SLCO4C1: variants seen among roughly 807,000 people sequenced by gnomAD.
The protein encoded by SLCO4C1 is solute carrier organic anion transporter family member 4C1, also known as organic anion transporter M1.
In SLCO4C1, 58 loss-of-function variants were observed where a neutral mutation model predicts 72.1. The ratio of observed to expected loss-of-function variants is 0.80; its 90% CI spans 0.65 to 1.00. The LOEUF is 1.00. Ranked by LOEUF, SLCO4C1 falls within the 50% of genes least tolerant of loss-of-function variation. The pLI, the probability that SLCO4C1 is intolerant of heterozygous loss-of-function variation, is 0.00. For synonymous variants in SLCO4C1, 297 were observed against 312.5 expected, an observed-to-expected ratio of 0.95 and a Z score of 0.52; for missense variants, 898 against 857.9, an observed-to-expected ratio of 1.05 and a Z score of -0.58.
intron 1 of SLCO4C1, 43 bp from the exon 2 acceptor site, chr5:102,291,649 A>G (rs757017257): frequency 6.7e-7 from 1 of 1,501,644 alleles, no homozygotes; most frequent in South Asian, 1.2e-5. Flanking sequence ...ATATTTTACC[A>G]TACGATTAAG....
At position 102,293,151 on chromosome 5, in the gene SLCO4C1, A is replaced by G. The variant is rs567683599; in HGVS notation, c.356-1545T>C. Among the ~76,000 whole-genome samples the G allele has an allele frequency of 2.4e-4, 37 of 152,272 alleles. 2 individuals carry two copies. Among genetic ancestry groups the G allele is most frequent in the African/African-American group, 8.7e-4 (36 of 41,572 alleles). The stretch of plus-strand genomic sequence containing the variant: ...ACTTTTATACCCATTTCATAAGACT[A>G]TAAGCCAATTTACAATTCTTAGGAT... On this transcript the variant is annotated intron_variant, in intron 1 of 12. Transcript: ENST00000310954.
chr5:102,276,391 G>A (rs1749246968), intron 2 of SLCO4C1, among the ~76,000 whole-genome samples: 1 of 152,092 alleles, frequency 6.6e-6, no homozygotes, highest in East Asian at 1.9e-4. Flanking sequence ...CCCCAGCGGT[G>A]GTCTGCATCG....
At chr5:102,246,877 C>T (rs568133217) in intron 10 of SLCO4C1, among the ~76,000 whole-genome samples, 11 of 152,194 alleles carry the variant, frequency 7.2e-5, no homozygotes, top group Middle Eastern at 3.4e-3. Context: ...GAAGATTTAA[C>T]GTCACAGTGC....
intron 8 of SLCO4C1, among the ~76,000 whole-genome samples, chr5:102,252,664 AAGTATAAGAC>A (rs1274337783): frequency 2.6e-5 from 4 of 152,166 alleles, no homozygotes; most frequent in African/African-American, 9.7e-5. Context: ...AGATCATACA[AAGTATAAGAC>A]AGCATGATGC....
At chr5:102,252,819 T>C (rs1029437074) in intron 8 of SLCO4C1, among the ~76,000 whole-genome samples, 1 of 152,144 alleles carries the variant, frequency 6.6e-6, no homozygotes, top group Non-Finnish European at 1.5e-5. Context: ...GGCAGATGCT[T>C]GTGAAGTTTA....
chr5:102,255,933 C>T (rs559088470), intron 8 of SLCO4C1, among the ~76,000 whole-genome samples: 3 of 151,626 alleles, frequency 2.0e-5, no homozygotes, highest in African/African-American at 7.3e-5. Flanking sequence ...TGGCCGGGCG[C>T]GGTGGCTCAC....
intron 9 of SLCO4C1, among the ~76,000 whole-genome samples, chr5:102,247,963 C>T (rs1303489679): frequency 7.3e-6 from 1 of 136,564 alleles, no homozygotes; most frequent in Non-Finnish European, 1.5e-5. Flanking sequence ...CATTCTAAGA[C>T]CACTGGTACC....
chr5:102,241,747 C>A (rs145983353), intron 10 of SLCO4C1, among the ~76,000 whole-genome samples: 1 of 152,094 alleles, frequency 6.6e-6, no homozygotes, highest in African/African-American at 2.4e-5. Context: ...AAAAAACAAT[C>A]CTAAAATTCA....
intron 8 of SLCO4C1, among the ~76,000 whole-genome samples, chr5:102,254,434 C>G (rs996593839): frequency 6.6e-6 from 1 of 152,124 alleles, no homozygotes; most frequent in Non-Finnish European, 1.5e-5. Flanking sequence ...TTATGGTGAT[C>G]AGTGATTTTT....
chr5:102,252,378 G>C (rs1748755682), intron 8 of SLCO4C1, among the ~76,000 whole-genome samples: 1 of 152,096 alleles, frequency 6.6e-6, no homozygotes, highest in South Asian at 2.1e-4. Flanking sequence ...GAGTGATCAA[G>C]ATAGTAATCT....
At chr5:102,287,527 T>A (rs1461059354) in intron 2 of SLCO4C1, among the ~76,000 whole-genome samples, 4 of 149,328 alleles carry the variant, frequency 2.7e-5, no homozygotes, top group African/African-American at 9.9e-5. Context: ...AAGAGGTTTT[T>A]TCACTTCTTT....
At chr5:102,271,009 C>A (rs1183431227) in intron 2 of SLCO4C1, among the ~76,000 whole-genome samples, 1 of 152,048 alleles carries the variant, frequency 6.6e-6, no homozygotes, top group Non-Finnish European at 1.5e-5. Context: ...AAGGCCTATT[C>A]ACTCCTATTC....
chr5:102,275,326 G>C (rs1749229233), intron 2 of SLCO4C1, among the ~76,000 whole-genome samples: 1 of 151,984 alleles, frequency 6.6e-6, no homozygotes, highest in Non-Finnish European at 1.5e-5. Flanking sequence ...TGATAAAAAA[G>C]AAGAAATGTT....
At chr5:102,281,828 A>C (rs1749361975) in intron 2 of SLCO4C1, among the ~76,000 whole-genome samples, 1 of 152,146 alleles carries the variant, frequency 6.6e-6, no homozygotes, top group Non-Finnish European at 1.5e-5. Flanking sequence ...GATACAGTGA[A>C]TCTGGAAAAC....
chr5:102,295,854 C>G, intron 1 of SLCO4C1, 54 bp downstream of exon 1: 2 of 1,514,904 alleles, frequency 1.3e-6, no homozygotes, highest in Non-Finnish European at 1.8e-6. Context: ...GCTGGCTCGC[C>G]GTGCCCACCT....
At position 102,240,798 on chromosome 5, in the gene SLCO4C1, A is replaced by G; in HGVS notation, c.1812-16T>C. 6.3e-7 allele frequency: 1 copy of G among 1,597,872 alleles called. No individual in the cohort carries two copies. Among genetic ancestry groups the G allele is most frequent in the Non-Finnish European group, 8.6e-7 (1 of 1,168,518 alleles). ...ATTAACACACCTGGAAATATTAAAT[A>G]TATATGAGACCAAAAAAGGTGGTAT... On this transcript the variant is annotated splice_polypyrimidine_tract_variant and intron_variant, in intron 10 of 12. Coordinates refer to ENST00000310954, the MANE Select transcript of SLCO4C1 (RefSeq NM_180991.5).
chr5:102,243,002 C>T (rs1748573799), intron 10 of SLCO4C1, among the ~76,000 whole-genome samples: 1 of 152,136 alleles, frequency 6.6e-6, no homozygotes, highest in African/African-American at 2.4e-5. Context: ...GCCCAGCCAG[C>T]ATTCATGACA....
chr5:102,242,498 T>C (rs1561365175), intron 10 of SLCO4C1, among the ~76,000 whole-genome samples: 2 of 152,134 alleles, frequency 1.3e-5, no homozygotes, highest in East Asian at 3.9e-4. Flanking sequence ...GCATCTAGGA[T>C]ACCAACTCAG....
chr5:102,266,474 ACCC>A (rs1356383701), intron 3 of SLCO4C1, among the ~76,000 whole-genome samples: 1 of 152,068 alleles, frequency 6.6e-6, no homozygotes, highest in Non-Finnish European at 1.5e-5. Flanking sequence ...ACGTGGTGAA[ACCC>A]TGTCTCTACT....
Sources: gnomAD v4.1 joint callset for allele counts (sites outside exome capture counted in the v4.1 genomes callset) on GRCh38, gnomAD v4.1.1 for gene constraint, MANE v1.5 for transcripts, NCBI Gene and HGNC (gene_info 2026-07-23, HGNC 2026-07-21) for gene names.